FBXW7: variants seen among roughly 807,000 people sequenced by gnomAD.
The protein encoded by FBXW7 is F-box and WD repeat domain containing 7, also known as F-box/WD repeat-containing protein 7.
In FBXW7, 11 loss-of-function variants were observed where a neutral mutation model predicts 86.3. That is an observed-to-expected ratio of 0.13 (90% CI 0.08 to 0.21). The LOEUF is 0.21. FBXW7 is among the 10% of genes least tolerant of loss of function. The pLI, the probability that FBXW7 is intolerant of heterozygous loss-of-function variation, is 1.00. For missense variants in FBXW7, 488 were observed against 847.4 expected, an observed-to-expected ratio of 0.58 and a Z score of 5.27; for synonymous variants, 313 against 297.9, an observed-to-expected ratio of 1.05 and a Z score of -0.52.
chr4:152,533,879 C>T (rs1024364269), intron 2 of FBXW7, among the ~76,000 whole-genome samples: 4 of 152,062 alleles, frequency 2.6e-5, no homozygotes, highest in Non-Finnish European at 5.9e-5. Flanking sequence ...GAGAGATAAC[C>T]CCAGGCTTAC....
At chr4:152,452,263 T>C (rs1741976729) in intron 2 of FBXW7, among the ~76,000 whole-genome samples, 1 of 152,216 alleles carries the variant, frequency 6.6e-6, no homozygotes. Context: ...TCAAAGCTTT[T>C]TGGGGTCTTC....
rs2126512511 is a variant in FBXW7, at chr4:152,328,215, C to T, written c.1411G>A (p.Glu471Lys). The T allele has an allele frequency of 6.3e-7, 1 of 1,582,900 alleles. No homozygotes were observed. The highest frequency in any genetic ancestry group is 1.9e-5 in the Admixed American group (1 of 54,040). ...TSTVRCMHLH[E>K]KRVVSGSRDA... ...GACAAGATTTTCCCTTACCTTTTTT[C>T]ATGAAGATGCATACAACGCACAGTG... is the stretch of plus-strand genomic sequence containing the variant. Residue 471 changes from glutamate to lysine, a missense_variant, in exon 11 of 14, where the codon GAA (glutamate) becomes AAA (lysine). Around this residue, in one of 4 missense-constraint regions of FBXW7, gnomAD observed 142 missense variants for 406.6 expected, o/e 0.35. Coordinates refer to ENST00000281708, the MANE Select transcript of FBXW7 (RefSeq NM_001349798.2).
rs112776883 is a variant in FBXW7 at position 152,342,159 on chromosome 4, C to T, written c.727-4223G>A. ...TCAGAAGCAAATTTTAATTTAAGGA[C>T]AAAATTGCAAATGCAAATTTGAAAA... On this transcript the variant is annotated intron_variant, in intron 6 of 13. Coordinates refer to ENST00000281708, the MANE Select transcript of FBXW7 (RefSeq NM_001349798.2). Among the ~76,000 whole-genome samples, 1,290 of 152,156 alleles carry T rather than the reference C, an allele frequency of 8.5e-3. 28 individuals are homozygous for T. Among genetic ancestry groups the T allele is most frequent in the African/African-American group, 0.03 (1,228 of 41,516 alleles).
Position 152,416,657 on chromosome 4 carries a change from T to C in FBXW7, c.-119-4128A>G, listed in dbSNP as rs2126899038. On this transcript the variant is annotated intron_variant, in intron 2 of 13. Coordinates refer to ENST00000281708, the MANE Select transcript of FBXW7 (RefSeq NM_001349798.2). ...AACAAAATCAGCACAAAATGGGCAA[T>C]ACTGGCAAGTGTCATCATATACACA... 2.0e-5 allele frequency among the ~76,000 whole-genome samples: 3 copies of C among 152,232 alleles called. No individual in the cohort carries two copies. The East Asian group carries it at 5.8e-4, about 29-fold the overall frequency.
chr4:152,347,111 GA>G (rs1731349014), intron 5 of FBXW7, 40 bp from the exon 6 acceptor site: 10 of 1,555,536 alleles, frequency 6.4e-6, no homozygotes, highest in East Asian at 4.5e-5. Flanking sequence ...AGGATAAAAG[GA>G]AAAAAACAAA....
chr4:152,498,157 CCTTT>C (rs1429033714), intron 2 of FBXW7, among the ~76,000 whole-genome samples: 1 of 152,112 alleles, frequency 6.6e-6, no homozygotes, highest in African/African-American at 2.4e-5. Flanking sequence ...TACTTTCTGT[CCTTT>C]CTTTGTATCT....
intron 2 of FBXW7, among the ~76,000 whole-genome samples, chr4:152,490,212 T>C (rs1026581866): frequency 4.6e-5 from 7 of 152,118 alleles, no homozygotes; most frequent in African/African-American, 1.7e-4. Flanking sequence ...ATCAAGTTTT[T>C]ATTTGCGATG....
rs773032798 is a variant in FBXW7, at chr4:152,457,937, TA to T, written c.-119-45409del. On this transcript the variant is annotated intron_variant, in intron 2 of 13. Coordinates refer to ENST00000281708, the MANE Select transcript of FBXW7 (RefSeq NM_001349798.2). ...CTACTCATATCTTCCCCACCCCTACTAAAAAAAAAAAAAGTTACTTCAGGAA... is the reference window on the plus strand; with the variant it reads ...CTACTCATATCTTCCCCACCCCTACTAAAAAAAAAAAAGTTACTTCAGGAA... 2.9e-3 allele frequency among the ~76,000 whole-genome samples: 417 copies of T among 142,062 alleles called. 1 individual carries two copies. The highest frequency in any genetic ancestry group is 5.3e-3 in the African/African-American group (208 of 39,244). The allele number at this position is 142,062 out of a possible 152,430, so 93.2% of individuals were successfully genotyped here.
chr4:152,362,548 T>C (rs964411369), intron 4 of FBXW7, among the ~76,000 whole-genome samples: 7 of 152,066 alleles, frequency 4.6e-5, no homozygotes, highest in African/African-American at 1.7e-4. Context: ...CAGTGGCTCA[T>C]GCCTGTAATC....
In FBXW7 at chr4:152,411,958, T is replaced by C. The variant is rs538041893; in HGVS notation, c.-69-86A>G. 10 of 1,244,190 alleles carry C rather than the reference T, an allele frequency of 8.0e-6. No homozygotes were observed. In the East Asian group the frequency reaches 1.8e-4, roughly 23 times the overall value. 77.1% of individuals were successfully genotyped at this position (1,244,190 alleles called of 1,614,324 possible). On this transcript the variant is annotated intron_variant, in intron 3 of 13. Transcript: ENST00000281708. ...ATGTTATATGTCTACTTTCTAAATA[T>C]CATTAATGATTGCAAAAAAGTATTG...
At chr4:152,492,334 C>T (rs921837959) in intron 2 of FBXW7, among the ~76,000 whole-genome samples, 1 of 152,064 alleles carries the variant, frequency 6.6e-6, no homozygotes, top group East Asian at 1.9e-4. Context: ...AGGAGTAAAT[C>T]GACTGTAAAT....
At chr4:152,388,138 A>ATATT (rs1188844669) in intron 4 of FBXW7, among the ~76,000 whole-genome samples, 1 of 152,194 alleles carries the variant, frequency 6.6e-6, no homozygotes, top group African/African-American at 2.4e-5. Context: ...GTTCTAAAAG[A>ATATT]TATTTATTTA....
At chr4:152,426,642 G>C (rs1739411437) in intron 2 of FBXW7, among the ~76,000 whole-genome samples, 1 of 152,092 alleles carries the variant, frequency 6.6e-6, no homozygotes, top group South Asian at 2.1e-4. Flanking sequence ...CTGTAACAGG[G>C]GGATCCCCCC....
intron 4 of FBXW7, among the ~76,000 whole-genome samples, chr4:152,402,405 T>C (rs1335937624): frequency 6.6e-6 from 1 of 152,146 alleles, no homozygotes; most frequent in African/African-American, 2.4e-5. Flanking sequence ...ACAATAAATA[T>C]ACCACAGTAA....
chr4:152,346,856 T>G (rs2126633116), intron 6 of FBXW7, 74 bp downstream of exon 6: 1 of 1,578,592 alleles, frequency 6.3e-7, no homozygotes, highest in Non-Finnish European at 8.6e-7. Flanking sequence ...TTCCTTCTTT[T>G]TTTACGGATG....
chr4:152,512,611 C>G (rs1748078961), intron 2 of FBXW7, among the ~76,000 whole-genome samples: 1 of 152,070 alleles, frequency 6.6e-6, no homozygotes, highest in Non-Finnish European at 1.5e-5. Flanking sequence ...CTGAAAACAT[C>G]GTGTTACGTG....
intron 4 of FBXW7, among the ~76,000 whole-genome samples, chr4:152,371,574 T>C (rs1038119204): frequency 2.0e-5 from 3 of 152,020 alleles, no homozygotes; most frequent in Non-Finnish European, 4.4e-5. Flanking sequence ...TGTAGTTATG[T>C]ATACATATGA....
rs764317243 is a variant in FBXW7, at chr4:152,325,991, G to C, written c.1644+15C>G. On this transcript the variant is annotated intron_variant, in intron 12 of 13. Coordinates refer to ENST00000281708, the MANE Select transcript of FBXW7 (RefSeq NM_001349798.2). Reference sequence around the variant, plus strand: ...TCATCAGGAGAGCATTTAAGGGAGAGATAAGAGATCTTACCTGTAATGAAT... The same window carrying C: ...TCATCAGGAGAGCATTTAAGGGAGACATAAGAGATCTTACCTGTAATGAAT... 5.0e-6 allele frequency: 8 copies of C among 1,599,724 alleles called. No individual in the cohort carries two copies. Among genetic ancestry groups the C allele is most frequent in the South Asian group, 1.1e-5 (1 of 90,764 alleles).
At chr4:152,408,165 T>A (rs980855928) in intron 4 of FBXW7, among the ~76,000 whole-genome samples, 1 of 152,152 alleles carries the variant, frequency 6.6e-6, no homozygotes, top group Admixed American at 6.5e-5. Context: ...AAGATAGATA[T>A]GGAAGCATCA....
Sources: gnomAD v4.1 joint callset for allele counts (sites outside exome capture counted in the v4.1 genomes callset) on GRCh38, gnomAD v4.1.1 for gene constraint, gnomAD v4.1.1 regional missense constraint, MANE v1.5 for transcripts, NCBI Gene and HGNC (gene_info 2026-07-23, HGNC 2026-07-21) for gene names.